CYP4V2: variants seen among roughly 807,000 people sequenced by gnomAD.
CYP4V2 encodes the protein cytochrome P450 4V2.
In CYP4V2, 55 loss-of-function variants were observed where a neutral mutation model predicts 60.8. That is an observed-to-expected ratio of 0.90 (90% CI 0.73 to 1.13). The LOEUF is 1.13. CYP4V2 is among the 50% of genes most tolerant of loss of function. The pLI, the probability that CYP4V2 is intolerant of heterozygous loss-of-function variation, is 0.00. For synonymous variants in CYP4V2, 239 were observed against 236.8 expected (o/e 1.01, Z -0.08); for missense variants, 675 against 662.9 (o/e 1.02, Z -0.20).
At chr4:186,208,401 A>C (rs1306544230) in intron 8 of CYP4V2, among the ~76,000 whole-genome samples, 785 of 85,174 alleles carry the variant, frequency 9.2e-3, no homozygotes, top group Middle Eastern at 0.06. Flanking sequence ...CCTTGATCCA[A>C]GTGTTCTTCT....
chr4:186,202,380 C>T (rs1433936204), intron 7 of CYP4V2: 2 of 152,158 alleles, frequency 1.3e-5, no homozygotes, highest in Non-Finnish European at 2.9e-5. Flanking sequence ...GGACCATGAC[C>T]TCAAGCACCT....
At chr4:186,194,037 C>A (rs1285078606) in intron 1 of CYP4V2, among the ~76,000 whole-genome samples, 1 of 152,170 alleles carries the variant, frequency 6.6e-6, no homozygotes, top group Non-Finnish European at 1.5e-5. Context: ...TTGCATGACG[C>A]AGGATGATTG....
chr4:186,210,866 C>T lies in CYP4V2; in HGVS notation c.*225C>T, dbSNP rs895549443. The T allele has an allele frequency of 1.2e-5, 6 of 489,146 alleles. No homozygotes were observed. Among genetic ancestry groups the T allele is most frequent in the Non-Finnish European group, 1.1e-5 (3 of 278,520 alleles). The allele number at this position is 489,146 out of a possible 1,614,324, so 30.3% of individuals were successfully genotyped here. On this transcript the variant is annotated 3_prime_UTR_variant, in exon 11 of 11. Coordinates refer to ENST00000378802, the MANE Select transcript of CYP4V2 (RefSeq NM_207352.4). ...TTTTTTTTTTTGAAACCGTGTCTCA[C>T]TCTGTCGCCCAGGCTGGAGGAGTGC...
Position 186,209,047 on chromosome 4 carries a change from G to A in CYP4V2, c.1226-46G>A, listed in dbSNP as rs770224503. On this transcript the variant is annotated intron_variant, in intron 9 of 10. Transcript: ENST00000378802. ...AGAAGGGAGAGGGAAACTTTCTAAT[G>A]TCTACCTTGCTCCGGTCTCATAATG... 7 of 1,614,116 alleles carry A rather than the reference G, an allele frequency of 4.3e-6. No individual in the cohort carries two copies. The East Asian group carries it at 1.3e-4, about 31-fold the overall frequency.
chr4:186,199,756 T>C (rs953137313), intron 6 of CYP4V2, among the ~76,000 whole-genome samples: 2 of 151,182 alleles, frequency 1.3e-5, no homozygotes, highest in African/African-American at 4.9e-5. Context: ...TGATGTTGTT[T>C]TGAATATAGG....
rs957327469 is a variant in CYP4V2 at position 186,210,387 on chromosome 4, C to T, written c.1406-82C>T. The T allele has an allele frequency of 4.2e-5, 66 of 1,577,228 alleles. No homozygotes were observed. The African/African-American group carries it at 5.1e-4, about 12-fold the overall frequency. ...CCTACTGCGAAAATGTAAAGTGGCT[C>T]GCTTCCTATGACAGGACCTCTTGTT... is the stretch of plus-strand genomic sequence containing the variant. On this transcript the variant is annotated intron_variant, in intron 10 of 10. Coordinates refer to ENST00000378802, the MANE Select transcript of CYP4V2 (RefSeq NM_207352.4).
At position 186,196,731 on chromosome 4, in the gene CYP4V2, A is replaced by T. The variant is rs1043506352; in HGVS notation, c.414-209A>T. ...GTATAGAACAATGTCCAAAATACTC[A>T]TATTTTGTAACTATAGATGAATATT... On this transcript the variant is annotated intron_variant, in intron 3 of 10. Coordinates refer to ENST00000378802, the MANE Select transcript of CYP4V2 (RefSeq NM_207352.4). 9.0e-6 allele frequency: 5 copies of T among 557,786 alleles called. No homozygotes were observed. In the African/African-American group the frequency reaches 9.4e-5, roughly 10 times the overall value. The allele number at this position is 557,786 out of a possible 1,614,324, so 34.6% of individuals were successfully genotyped here.
At chr4:186,197,263 C>G in intron 4 of CYP4V2, 133 bp downstream of exon 4, 1 of 1,140,952 alleles carries the variant, frequency 8.8e-7, no homozygotes, top group Non-Finnish European at 1.3e-6. Context: ...GTTCTACGAC[C>G]GCACTGGCCT....
chr4:186,209,536 A>G (rs955970622), intron 10 of CYP4V2, among the ~76,000 whole-genome samples: 1 of 152,196 alleles, frequency 6.6e-6, no homozygotes, highest in African/African-American at 2.4e-5. Flanking sequence ...ATTTTCTCAC[A>G]GTTCTGGAGG....
chr4:186,208,571 T>A (rs552320380), intron 8 of CYP4V2, among the ~76,000 whole-genome samples: 1 of 152,024 alleles, frequency 6.6e-6, no homozygotes, highest in South Asian at 2.1e-4. Context: ...ATCCACATGT[T>A]CTTCTTTGAA....
In CYP4V2 at chr4:186,201,166, GA is replaced by G. The variant is rs1561433807; in HGVS notation, c.813del (p.Glu271AspfsTer6). 1 of 1,614,148 alleles carries G rather than the reference GA, an allele frequency of 6.2e-7. No homozygotes were observed. The highest frequency in any genetic ancestry group is 1.7e-5 in the Admixed American group (1 of 60,024). The part of the protein sequence containing the change: ...LHTFTNSVIA[E>X]RANEMNANED... ...CATTCAAATCATACAGGTCATCGCT[GA>G]ACGGGCCAATGAAATGAACGCCAAT... On this transcript the variant is annotated frameshift_variant, in exon 7 of 11. Transcript: ENST00000378802. LOFTEE classifies it high-confidence loss of function.
intron 7 of CYP4V2, chr4:186,204,889 T>C: frequency 2.4e-6 from 1 of 418,122 alleles, no homozygotes; most frequent in South Asian, 2.1e-5. Context: ...AAATCAGACT[T>C]TGTTCTGTTC....
chr4:186,191,780 C>T lies in CYP4V2; in HGVS notation c.-44C>T. On this transcript the variant is annotated 5_prime_UTR_variant, in exon 1 of 11. Coordinates refer to ENST00000378802, the MANE Select transcript of CYP4V2 (RefSeq NM_207352.4). ...CCGCCTCGCACCACGCCCCCGCGGG[C>T]CCGCACTTTCCCGGAGTGCACCCCG... 4 of 1,454,448 alleles carry T rather than the reference C, an allele frequency of 2.8e-6. No individual in the cohort carries two copies. The highest frequency in any genetic ancestry group is 3.6e-6 in the Non-Finnish European group (4 of 1,108,576). The allele number at this position is 1,454,448 out of a possible 1,614,324, so 90.1% of individuals were successfully genotyped here.
chr4:186,196,710 AG>A, intron 3 of CYP4V2: 1 of 533,206 alleles, frequency 1.9e-6, no homozygotes, highest in Non-Finnish European at 3.3e-6. Flanking sequence ...AAACATGTAT[AG>A]AACAATGTCC....
Position 186,210,653 on chromosome 4 carries a change from G to T in CYP4V2, c.*12G>T, listed in dbSNP as rs1319231822. 1.9e-6 allele frequency: 3 copies of T among 1,613,756 alleles called. No individual in the cohort carries two copies. The highest frequency in any genetic ancestry group is 2.5e-6 in the Non-Finnish European group (3 of 1,179,966). ...CAGATGAACGCTAACTATATTATTG[G>T]GTTGTGCCTTTATCATGAGAAAGGT... On this transcript the variant is annotated 3_prime_UTR_variant, in exon 11 of 11. Transcript: ENST00000378802.
At chr4:186,194,150 C>G (rs535490523) in intron 1 of CYP4V2, among the ~76,000 whole-genome samples, 2 of 152,288 alleles carry the variant, frequency 1.3e-5, no homozygotes, top group East Asian at 3.9e-4. Flanking sequence ...TCTGGAGTCT[C>G]GCTCGGTACA....
In CYP4V2 at chr4:186,191,765, C is replaced by T. The variant is rs933424588; in HGVS notation, c.-59C>T. On this transcript the variant is annotated 5_prime_UTR_variant, in exon 1 of 11. Transcript: ENST00000378802. Reference sequence around the variant, plus strand: ...GGTGTGCGGCCGGCACCGCCTCGCACCACGCCCCCGCGGGCCCGCACTTTC... The same window carrying T: ...GGTGTGCGGCCGGCACCGCCTCGCATCACGCCCCCGCGGGCCCGCACTTTC... 7.2e-7 allele frequency: 1 copy of T among 1,392,420 alleles called. No individual in the cohort carries two copies. Among genetic ancestry groups the T allele is most frequent in the Admixed American group, 3.1e-5 (1 of 31,794 alleles). The allele number at this position is 1,392,420 out of a possible 1,614,324, so 86.3% of individuals were successfully genotyped here.
At chr4:186,192,532 A>G (rs1198950414) in intron 1 of CYP4V2, among the ~76,000 whole-genome samples, 5 of 152,182 alleles carry the variant, frequency 3.3e-5, no homozygotes, top group African/African-American at 1.2e-4. Context: ...CTTGACCTTC[A>G]TACTTTAGCC....
At position 186,205,196 on chromosome 4, in the gene CYP4V2, G is replaced by C; in HGVS notation, c.988-4G>C. 6.2e-7 allele frequency: 1 copy of C among 1,614,154 alleles called. No homozygotes were observed. The highest frequency in any genetic ancestry group is 8.5e-7 in the Non-Finnish European group (1 of 1,179,958). ...TTTTAAGCTATTGTTTTCTGCATTTGTAGGGGCACGATACAACTGCAGCTG... is the reference window on the plus strand; with the variant it reads ...TTTTAAGCTATTGTTTTCTGCATTTCTAGGGGCACGATACAACTGCAGCTG... On this transcript the variant is annotated splice_polypyrimidine_tract_variant and splice_region_variant and intron_variant, in intron 7 of 10. Coordinates refer to ENST00000378802, the MANE Select transcript of CYP4V2 (RefSeq NM_207352.4).
Sources: gnomAD v4.1 joint callset for allele counts (sites outside exome capture counted in the v4.1 genomes callset) on GRCh38, gnomAD v4.1.1 for gene constraint, MANE v1.5 for transcripts, NCBI Gene and HGNC (gene_info 2026-07-23, HGNC 2026-07-21) for gene names.